Variants in RAPGEF1 observed in about 807,000 individuals in gnomAD.
RAPGEF1 encodes Rap guanine nucleotide exchange factor 1.
RAPGEF1 carries 33 observed loss-of-function variants against 143.3 expected under a neutral mutation model. The ratio of observed to expected loss-of-function variants is 0.23; its 90% CI spans 0.17 to 0.31. The LOEUF is 0.31. Ranked by LOEUF, RAPGEF1 falls within the 10% of genes least tolerant of loss-of-function variation. The pLI is 1.00. For synonymous variants in RAPGEF1, 629 were observed against 676.5 expected (o/e 0.93, Z 1.09); for missense variants, 1,199 against 1,645.4 (o/e 0.73, Z 4.69).
At chr9:131,693,769 C>G (rs963379667) in intron 1 of RAPGEF1, among the ~76,000 whole-genome samples, 18 of 152,136 alleles carry the variant, frequency 1.2e-4, no homozygotes, top group Admixed American at 9.2e-4. Flanking sequence ...TTCCCAAGTC[C>G]TCTTGGAGTT....
intron 12 of RAPGEF1, among the ~76,000 whole-genome samples, chr9:131,608,633 C>T (rs7047867): frequency 0.23 from 35,418 of 152,110 alleles, 4,484 homozygotes; most frequent in Non-Finnish European, 0.29. Flanking sequence ...TGTGAGCTCA[C>T]GTTCTGGTAT....
chr9:131,683,222 A>G (rs1588996687), intron 1 of RAPGEF1, among the ~76,000 whole-genome samples: 1 of 152,240 alleles, frequency 6.6e-6, no homozygotes, highest in East Asian at 1.9e-4. Flanking sequence ...GATGGTGGCC[A>G]TTGTTAAGCC....
intron 4 of RAPGEF1, among the ~76,000 whole-genome samples, chr9:131,639,161 A>G (rs1438782807): frequency 3.3e-5 from 5 of 152,196 alleles, no homozygotes; most frequent in Admixed American, 2.6e-4. Context: ...GACCAGGTCC[A>G]AGCAGTGTAT....
At chr9:131,587,876 CCT>C (rs770958816) in intron 21 of RAPGEF1, 46 bp from the exon 22 acceptor site, 4 of 1,602,580 alleles carry the variant, frequency 2.5e-6, no homozygotes, top group South Asian at 1.1e-5. Flanking sequence ...CCGGCTTTCC[CCT>C]GATGGGGGTT....
intron 4 of RAPGEF1, among the ~76,000 whole-genome samples, chr9:131,639,629 G>T (rs939536395): frequency 6.6e-6 from 1 of 151,962 alleles, no homozygotes; most frequent in Admixed American, 6.6e-5. Flanking sequence ...ATTGTGGAAA[G>T]GATTATTTTT....
At chr9:131,593,400 T>C (rs1954697073) in intron 17 of RAPGEF1, among the ~76,000 whole-genome samples, 1 of 152,232 alleles carries the variant, frequency 6.6e-6, no homozygotes, top group African/African-American at 2.4e-5. Context: ...ACTCACTCCC[T>C]GCAGCCACCC....
intron 5 of RAPGEF1, among the ~76,000 whole-genome samples, chr9:131,632,236 C>T (rs1965101814): frequency 2.0e-5 from 3 of 151,506 alleles, no homozygotes; most frequent in African/African-American, 7.3e-5. Flanking sequence ...TCATGCCATT[C>T]TTCTGCCTCA....
In RAPGEF1 at chr9:131,643,436, C is replaced by T; in HGVS notation, c.316-19G>A. 1.2e-6 allele frequency: 2 copies of T among 1,603,984 alleles called. No individual in the cohort carries two copies. Among genetic ancestry groups the T allele is most frequent in the South Asian group, 1.1e-5 (1 of 89,362 alleles). ...TCAGGTTCTGAAAGGAGACGTTAGGCATAAGGAGGAGGAGAGAGATTAAAG... is the reference window on the plus strand; with the variant it reads ...TCAGGTTCTGAAAGGAGACGTTAGGTATAAGGAGGAGGAGAGAGATTAAAG... On this transcript the variant is annotated intron_variant, in intron 3 of 26. Transcript: ENST00000683357.
chr9:131,580,426 C>T (rs377281454), intron 25 of RAPGEF1, 35 bp from the exon 26 acceptor site: 34 of 1,604,302 alleles, frequency 2.1e-5, no homozygotes, highest in Middle Eastern at 1.7e-4. Flanking sequence ...GTTACTGCTA[C>T]GGGGTTTGGA....
intron 16 of RAPGEF1, among the ~76,000 whole-genome samples, chr9:131,597,300 C>T (rs908675714): frequency 3.9e-5 from 6 of 152,194 alleles, no homozygotes; most frequent in African/African-American, 9.7e-5. Context: ...ATGCCTTTGA[C>T]CTGATTTTAA....
chr9:131,675,877 T>G lies in RAPGEF1; in HGVS notation c.62-24928A>C, dbSNP rs142327759. Among the ~76,000 whole-genome samples the G allele has an allele frequency of 1.2e-4, 19 of 152,144 alleles. 1 individual carries two copies. Among genetic ancestry groups the G allele is most frequent in the African/African-American group, 4.1e-4 (17 of 41,524 alleles). ...GTCACAGCATGATTGGGAAACAGCC[T>G]GAACTCGAACTGCTCAGTTTGACAA... On this transcript the variant is annotated intron_variant, in intron 1 of 26. Coordinates refer to ENST00000683357, the MANE Select transcript of RAPGEF1 (RefSeq NM_001377935.1). The surrounding 1 kb of genome is among the most constrained non-coding windows in gnomAD (Gnocchi z 4.6).
At chr9:131,597,467 A>C (rs1473166951) in intron 16 of RAPGEF1, among the ~76,000 whole-genome samples, 1 of 152,228 alleles carries the variant, frequency 6.6e-6, no homozygotes, top group African/African-American at 2.4e-5. Flanking sequence ...GGGAGTGCGC[A>C]AAGGGCAGTA....
intron 1 of RAPGEF1, among the ~76,000 whole-genome samples, chr9:131,654,353 A>T (rs1971903249): frequency 6.6e-6 from 1 of 151,878 alleles, no homozygotes; most frequent in Non-Finnish European, 1.5e-5. Flanking sequence ...CAGCATTATT[A>T]CAACCAGTTC....
At chr9:131,701,984 C>A (rs931647543) in intron 1 of RAPGEF1, among the ~76,000 whole-genome samples, 6 of 152,246 alleles carry the variant, frequency 3.9e-5, no homozygotes, top group Non-Finnish European at 1.5e-5. Flanking sequence ...CACTGATGAA[C>A]CAATGGCCTT....
intron 22 of RAPGEF1, among the ~76,000 whole-genome samples, chr9:131,585,620 C>A (rs560003090): frequency 4.3e-4 from 66 of 152,342 alleles, no homozygotes; most frequent in Non-Finnish European, 8.1e-4. Flanking sequence ...CAAAACCCTA[C>A]GCTGGACTGC....
chr9:131,647,337 C>T (rs999990514), intron 3 of RAPGEF1, among the ~76,000 whole-genome samples: 3 of 152,152 alleles, frequency 2.0e-5, no homozygotes, highest in Non-Finnish European at 4.4e-5. Context: ...TAAAAGCTTC[C>T]CCACACAATT....
rs1588128005 is a variant in RAPGEF1 at position 131,578,183 on chromosome 9, G to C, written c.*1314C>G. The C allele has an allele frequency of 6.6e-6, 1 of 152,338 alleles. No individual in the cohort carries two copies. The highest frequency in any genetic ancestry group is 1.5e-5 in the Non-Finnish European group (1 of 68,124). The allele number at this position is 152,338 out of a possible 1,614,324, so 9.4% of individuals were successfully genotyped here. Reference sequence around the variant, plus strand: ...GCCCTGCCTGCAGGCTCATGCTGGAGGCCACGGAACCAGGCGGCACAGGGC... The same window carrying C: ...GCCCTGCCTGCAGGCTCATGCTGGACGCCACGGAACCAGGCGGCACAGGGC... On this transcript the variant is annotated 3_prime_UTR_variant, in exon 27 of 27. Transcript: ENST00000683357.
intron 1 of RAPGEF1, among the ~76,000 whole-genome samples, chr9:131,719,123 G>A (rs1434228493): frequency 6.6e-6 from 1 of 152,066 alleles, no homozygotes; most frequent in Non-Finnish European, 1.5e-5. Context: ...CACATGCCAC[G>A]GTGCTTGGCA....
intron 12 of RAPGEF1, among the ~76,000 whole-genome samples, chr9:131,612,222 C>G (rs899202658): frequency 1.2e-4 from 19 of 152,176 alleles, no homozygotes; most frequent in African/African-American, 4.6e-4. Context: ...CTTAAAACTT[C>G]TCCTCTGTAA....
Sources: gnomAD v4.1 joint callset for allele counts (sites outside exome capture counted in the v4.1 genomes callset) on GRCh38, gnomAD v4.1.1 for gene constraint, Gnocchi (gnomAD v3.1) non-coding constraint, MANE v1.5 for transcripts, NCBI Gene and HGNC (gene_info 2026-07-23, HGNC 2026-07-21) for gene names.